The following LSM12 variants were observed in gnomAD, a reference collection of about 807,000 sequenced individuals.
The protein encoded by LSM12 is LSM12 homolog.
For synonymous variants in LSM12, 74 were observed against 87.3 expected, an observed-to-expected ratio of 0.85 and a Z score of 0.85; for missense variants, 108 against 238.9, an observed-to-expected ratio of 0.45 and a Z score of 3.61.
At chr17:44,067,192 A>C (rs1404884226), upstream of LSM12, among the ~76,000 whole-genome samples, 1 of 152,158 alleles carries the variant, frequency 6.6e-6, no homozygotes, top group Non-Finnish European at 1.5e-5. Context: ...CCCAGCTACT[A>C]GGGGGACTGA....
At chr17:44,044,616 T>C (rs1169574651) in intron 2 of LSM12, among the ~76,000 whole-genome samples, 2 of 152,182 alleles carry the variant, frequency 1.3e-5, no homozygotes, top group Non-Finnish European at 1.5e-5. Flanking sequence ...GCTGTACAAA[T>C]GGGATAAAAT....
chr17:44,046,503 C>T (rs1387716792), intron 2 of LSM12, among the ~76,000 whole-genome samples: 1 of 150,712 alleles, frequency 6.6e-6, no homozygotes. Flanking sequence ...GTCAGGAGAT[C>T]GAGACCATCC....
chr17:44,058,110 G>A (rs1017079537), intron 2 of LSM12, among the ~76,000 whole-genome samples: 61 of 151,790 alleles, frequency 4.0e-4, no homozygotes, highest in African/African-American at 1.4e-3. Flanking sequence ...GGTGGTGGGC[G>A]CCTGTAGTCC....
intron 2 of LSM12, among the ~76,000 whole-genome samples, chr17:44,041,553 A>G (rs1231668332): frequency 4.6e-5 from 7 of 152,226 alleles, no homozygotes; most frequent in African/African-American, 7.2e-5. Context: ...CTTTAGCTAA[A>G]GGCAACCCTG....
chr17:44,040,123 A>G, intron 3 of LSM12, 24 bp downstream of exon 3: 2 of 1,575,598 alleles, frequency 1.3e-6, no homozygotes, highest in Non-Finnish European at 1.7e-6. Context: ...CCCAGGACAA[A>G]GGACCTCTCC....
At chr17:44,064,593 TGTGGTG>T (rs2049844388) in intron 1 of LSM12, among the ~76,000 whole-genome samples, 1 of 149,930 alleles carries the variant, frequency 6.7e-6, no homozygotes, top group Admixed American at 6.6e-5. Context: ...ATTAGCCGGG[TGTGGTG>T]GCACATGCCT....
At chr17:44,036,990 G>A (rs917830387) in intron 4 of LSM12, 1 of 154,372 alleles carries the variant, frequency 6.5e-6, no homozygotes, top group Non-Finnish European at 1.4e-5. Flanking sequence ...TGTAGTCCCA[G>A]GTACTCGGGA....
In LSM12 at chr17:44,066,620, C is replaced by G. The variant is rs1179572578; in HGVS notation, c.-33G>C. On this transcript the variant is annotated 5_prime_UTR_variant, in exon 1 of 5. Transcript: ENST00000293406. ...GTGCAGCCGCGGCCGGCGGCGGCGG[C>G]GGCAGCAGCGGGCGAAAGCCGGGCC... 1.5e-6 allele frequency: 2 copies of G among 1,315,202 alleles called. No individual in the cohort carries two copies. Among genetic ancestry groups the G allele is most frequent in the East Asian group, 3.2e-5 (1 of 31,566 alleles). 81.5% of individuals were successfully genotyped at this position (1,315,202 alleles called of 1,614,324 possible). A position where few individuals can be genotyped will look rare whatever the true frequency, so the allele number is the denominator to read the frequency against.
chr17:44,034,758 AG>A lies in LSM12; in HGVS notation c.*1449del, dbSNP rs1349028763. Reference sequence around the variant, plus strand: ...ATTTATTTAATTAAAAAAAAAAGGAAGGGGAAAGAGATCATGGCCAAAAAAA... The same window carrying A: ...ATTTATTTAATTAAAAAAAAAAGGAAGGGAAAGAGATCATGGCCAAAAAAA... On this transcript the variant is annotated 3_prime_UTR_variant, in exon 5 of 5. Coordinates refer to ENST00000293406, the MANE Select transcript of LSM12 (RefSeq NM_001371445.1). 2.4e-5 allele frequency: 3 copies of A among 125,646 alleles called. No individual in the cohort carries two copies. 7.8% of individuals were successfully genotyped at this position (125,646 alleles called of 1,614,324 possible).
intron 2 of LSM12, among the ~76,000 whole-genome samples, chr17:44,047,742 G>GTT (rs528238771): frequency 2.3e-4 from 32 of 141,122 alleles, no homozygotes; most frequent in South Asian, 2.3e-4. Context: ...TGTTTGTTCT[G>GTT]TTTTTTTTTT....
At chr17:44,045,920 A>C (rs1256887883) in intron 2 of LSM12, among the ~76,000 whole-genome samples, 2 of 147,364 alleles carry the variant, frequency 1.4e-5, no homozygotes, top group African/African-American at 5.0e-5. Context: ...GTGTATGTAA[A>C]AGTAAAAATA....
chr17:44,065,368 G>C (rs1187222509), intron 1 of LSM12, among the ~76,000 whole-genome samples: 1 of 151,496 alleles, frequency 6.6e-6, no homozygotes, highest in Non-Finnish European at 1.5e-5. Flanking sequence ...TCGAACCAGG[G>C]AGTCGGAGGT....
intron 2 of LSM12, among the ~76,000 whole-genome samples, chr17:44,043,218 C>A (rs2049518551): frequency 6.6e-6 from 1 of 152,210 alleles, no homozygotes; most frequent in African/African-American, 2.4e-5. Flanking sequence ...TTCAGCCTCC[C>A]CGGGTAAGAG....
intron 1 of LSM12, among the ~76,000 whole-genome samples, chr17:44,064,922 A>C (rs2049850522): frequency 6.6e-6 from 1 of 152,030 alleles, no homozygotes; most frequent in African/African-American, 2.4e-5. Flanking sequence ...TCACGAGGTC[A>C]GGAGATCGAG....
chr17:44,055,436 T>C (rs1405224327), intron 2 of LSM12, among the ~76,000 whole-genome samples: 1 of 142,264 alleles, frequency 7.0e-6, no homozygotes, highest in Non-Finnish European at 1.5e-5. Context: ...CTGAGGTGGG[T>C]GGATCATCTG....
chr17:44,044,134 G>A (rs571262126), intron 2 of LSM12, among the ~76,000 whole-genome samples: 15 of 152,216 alleles, frequency 9.9e-5, no homozygotes, highest in African/African-American at 3.4e-4. Context: ...AGTTGGCTCA[G>A]GAAACCAGGC....
Position 44,037,365 on chromosome 17 carries a change from G to A in LSM12, c.495+47C>T, listed in dbSNP as rs747862052. 24 of 1,534,284 alleles carry A rather than the reference G, an allele frequency of 1.6e-5. No individual in the cohort carries two copies. The South Asian group carries it at 2.7e-4, about 17-fold the overall frequency. ...GTCTGGTGCTAAAGACTGAAGGCCT[G>A]AGGAACCATCCTCTCTCCCCTAAAG... is the stretch of plus-strand genomic sequence containing the variant. On this transcript the variant is annotated intron_variant, in intron 4 of 4. Transcript: ENST00000293406.
intron 2 of LSM12, among the ~76,000 whole-genome samples, chr17:44,047,262 T>C (rs541420006): frequency 6.6e-6 from 1 of 152,312 alleles, no homozygotes; most frequent in East Asian, 1.9e-4. Flanking sequence ...CTGTCTTTTT[T>C]TTGAGATGGA....
chr17:44,045,261 C>T (rs572445096), intron 2 of LSM12, among the ~76,000 whole-genome samples: 1 of 151,978 alleles, frequency 6.6e-6, no homozygotes, highest in Non-Finnish European at 1.5e-5. Context: ...CTCCTGACCT[C>T]GTGATCTGCC....
Sources: gnomAD v4.1 joint callset for allele counts (sites outside exome capture counted in the v4.1 genomes callset) on GRCh38, gnomAD v4.1.1 for gene constraint, MANE v1.5 for transcripts, NCBI Gene and HGNC (gene_info 2026-07-23, HGNC 2026-07-21) for gene names.